Variants in LRRC53 observed in about 807,000 individuals in gnomAD.
LRRC53 encodes leucine rich repeat containing 53.
Under a neutral mutation model 13.6 loss-of-function variants are expected in LRRC53, and 25 were observed. That is an observed-to-expected ratio of 1.83 (90% CI 1.34 to 2.56). The LOEUF is 2.56. Ranked by LOEUF, LRRC53 falls within the 30% of genes most tolerant of loss-of-function variation. LRRC53 has a pLI of 0.00. For synonymous variants in LRRC53, 204 were observed against 109.8 expected (o/e 1.86, Z -5.37); for missense variants, 527 against 275.8 (o/e 1.91, Z -6.45).
At chr1:74,519,726 T>C in the LRRC53 span, among the ~76,000 whole-genome samples, 78 of 152,354 alleles carry the variant, frequency 5.1e-4, 1 homozygote, top group Middle Eastern at 0.01. Flanking sequence ...TTACATTTTA[T>C]ACATGAAATT....
intron 1 of LRRC53, among the ~76,000 whole-genome samples, chr1:74,510,433 G>A (rs973712293): frequency 1.3e-5 from 2 of 152,090 alleles, no homozygotes; most frequent in Non-Finnish European, 2.9e-5. Flanking sequence ...GCTTGAACCC[G>A]GGAGGTGGAG....
At position 74,481,265 on chromosome 1, in the gene LRRC53, G is replaced by A. The variant is rs189672290; in HGVS notation, c.89-297C>T. Among the ~76,000 whole-genome samples, 12 of 152,158 alleles carry A rather than the reference G, an allele frequency of 7.9e-5. No homozygotes were observed. In the South Asian group the frequency reaches 2.1e-3, roughly 26 times the overall value. Reference sequence around the variant, plus strand: ...TTCATTGTTTCGGATTATCTTCATCGATGTTATTTTGAAGGTGTCTTTTCA... The same window carrying A: ...TTCATTGTTTCGGATTATCTTCATCAATGTTATTTTGAAGGTGTCTTTTCA... On this transcript the variant is annotated intron_variant, in intron 2 of 4. Transcript: ENST00000294635.
intron 2 of LRRC53, among the ~76,000 whole-genome samples, chr1:74,483,061 G>A (rs1457991034): frequency 6.6e-6 from 1 of 152,182 alleles, no homozygotes; most frequent in Non-Finnish European, 1.5e-5. Context: ...TACCTCTGAA[G>A]GTCTTTAAAT....
At chr1:74,509,109 C>T (rs530246135) in intron 1 of LRRC53, among the ~76,000 whole-genome samples, 5 of 152,258 alleles carry the variant, frequency 3.3e-5, no homozygotes, top group Admixed American at 6.5e-5. Flanking sequence ...CACTTATTCT[C>T]TTTGAGATAG....
intron 2 of LRRC53, among the ~76,000 whole-genome samples, chr1:74,481,188 ATGTT>A (rs1431855759): frequency 1.1e-4 from 17 of 152,224 alleles, no homozygotes; most frequent in Non-Finnish European, 2.4e-4. Context: ...CTGCTGTGAC[ATGTT>A]TGTTTGAGAA....
At chr1:74,534,930 C>T in the LRRC53 span, among the ~76,000 whole-genome samples, 7 of 152,146 alleles carry the variant, frequency 4.6e-5, no homozygotes, top group African/African-American at 9.7e-5. Flanking sequence ...GCATATAGCA[C>T]GTTTCAGTTA....
At chr1:74,501,950 A>G (rs1669656025) in intron 1 of LRRC53, among the ~76,000 whole-genome samples, 1 of 152,040 alleles carries the variant, frequency 6.6e-6, no homozygotes, top group African/African-American at 2.4e-5. Flanking sequence ...TATCCTCTGC[A>G]TATCTTTATG....
intron 1 of LRRC53, among the ~76,000 whole-genome samples, chr1:74,491,021 C>G (rs1669043957): frequency 6.6e-6 from 1 of 152,096 alleles, no homozygotes; most frequent in Non-Finnish European, 1.5e-5. Flanking sequence ...TATGATTAGT[C>G]TTGTTCTGAA....
chr1:74,478,154 T>G (rs2100242387), intron 3 of LRRC53, among the ~76,000 whole-genome samples: 1 of 152,314 alleles, frequency 6.6e-6, no homozygotes, highest in Non-Finnish European at 1.5e-5. Context: ...TCACCACACG[T>G]GTGCTTCAGA....
chr1:74,507,226 C>CCG (rs1669951972), intron 1 of LRRC53, among the ~76,000 whole-genome samples: 1 of 135,938 alleles, frequency 7.4e-6, no homozygotes, highest in East Asian at 2.6e-4. Flanking sequence ...TTTCTTCACC[C>CCG]CCCCCCCATC....
upstream of LRRC53, among the ~76,000 whole-genome samples, chr1:74,512,834 C>G (rs888789726): frequency 3.3e-5 from 5 of 152,096 alleles, no homozygotes; most frequent in Non-Finnish European, 7.3e-5. Context: ...AAATGGGCAC[C>G]CCCTGCAGCA....
chr1:74,504,775 G>C (rs1261784966), intron 1 of LRRC53, among the ~76,000 whole-genome samples: 1 of 152,052 alleles, frequency 6.6e-6, no homozygotes, highest in Non-Finnish European at 1.5e-5. Flanking sequence ...TGGCTATTCT[G>C]ATGCTGTAAT....
At chr1:74,517,784 T>C in the LRRC53 span, among the ~76,000 whole-genome samples, 2 of 152,258 alleles carry the variant, frequency 1.3e-5, no homozygotes, top group African/African-American at 4.8e-5. Flanking sequence ...GCTCTCAAAA[T>C]TGAAAATGCA....
the LRRC53 span, among the ~76,000 whole-genome samples, chr1:74,528,935 A>T: frequency 6.6e-6 from 1 of 152,318 alleles, no homozygotes; most frequent in Non-Finnish European, 1.5e-5. Flanking sequence ...AACATCTTGC[A>T]CCAGAAAGGA....
intron 1 of LRRC53, among the ~76,000 whole-genome samples, chr1:74,486,172 AGTG>A (rs1668749091): frequency 6.7e-6 from 1 of 148,804 alleles, no homozygotes; most frequent in Non-Finnish European, 1.5e-5. Flanking sequence ...AAAATGCAGA[AGTG>A]GTCTACCCTC....
chr1:74,480,311 T>C lies in LRRC53; in HGVS notation c.746A>G (p.Gln249Arg). The change falls in exon 3 of 5, where the codon CAG (glutamine) becomes CGG (arginine). Residue 249 changes from glutamine (Q) to arginine (R), a missense_variant. Gln to Arg is a conservative substitution (Grantham distance 43). Transcript: ENST00000294635. ...TLRNAKDLNC[Q>R]PSTAAVAAAQ... Reference sequence around the variant, plus strand: ...AGCTGCCACAGCTGCGGTAGATGGCTGGCAATTTAGGTCCTTGGCATTCCT... The same window carrying C: ...AGCTGCCACAGCTGCGGTAGATGGCCGGCAATTTAGGTCCTTGGCATTCCT... 1.4e-6 allele frequency: 1 copy of C among 717,754 alleles called. No individual in the cohort carries two copies. 44.5% of individuals were successfully genotyped at this position (717,754 alleles called of 1,614,324 possible). A position where few individuals can be genotyped will look rare whatever the true frequency, so the allele number is the denominator to read the frequency against.
chr1:74,527,649 G>T, the LRRC53 span, among the ~76,000 whole-genome samples: 1 of 152,198 alleles, frequency 6.6e-6, no homozygotes, highest in Non-Finnish European at 1.5e-5. Context: ...CCAGGACAGG[G>T]TGTTAGGGTG....
chr1:74,480,510 G>C lies in LRRC53; in HGVS notation c.547C>G (p.Leu183Val). The C allele has an allele frequency of 1.4e-6, 1 of 717,512 alleles. No homozygotes were observed. 44.4% of individuals were successfully genotyped at this position (717,512 alleles called of 1,614,324 possible). A position where few individuals can be genotyped will look rare whatever the true frequency, so the allele number is the denominator to read the frequency against. ...GKDAFRPLPQ[L>V]QEVDLSRNRL... The stretch of plus-strand genomic sequence containing the variant: ...TTTCGGGAAAGGTCCACTTCCTGTA[G>C]TTGAGGCAGGGGCCGGAAGGCATCT... The change falls in exon 3 of 5, where the codon CTA becomes GTA. Residue 183 changes from leucine (L) to valine (V), a missense_variant. Physicochemically the swap from Leu to Val is conservative, Grantham distance 32 (BLOSUM62 1). Coordinates refer to ENST00000294635, the MANE Select transcript of LRRC53 (RefSeq NM_001382280.1).
intron 1 of LRRC53, among the ~76,000 whole-genome samples, chr1:74,511,342 G>A (rs1293428432): frequency 2.0e-5 from 3 of 152,200 alleles, no homozygotes; most frequent in East Asian, 3.9e-4. Context: ...ACAGGCACAC[G>A]TCACTACACC....
Sources: allele counts gnomAD v4.1 joint callset (sites outside exome capture counted in the v4.1 genomes callset), GRCh38; gene constraint gnomAD v4.1.1; transcripts MANE v1.5; gene names NCBI Gene and HGNC (gene_info 2026-07-23, HGNC 2026-07-21).